Variants in VWA5B1 observed in about 807,000 individuals in gnomAD.
VWA5B1 encodes the protein von Willebrand factor A domain containing 5B1, also known as von Willebrand factor A domain-containing protein 5B1.
Under a neutral mutation model 118.2 loss-of-function variants are expected in VWA5B1, and 115 were observed. The ratio of observed to expected loss-of-function variants is 0.97; its 90% CI spans 0.84 to 1.14. VWA5B1 has a LOEUF of 1.14. Ranked by LOEUF, VWA5B1 falls within the 50% of genes most tolerant of loss-of-function variation. The probability of loss-of-function intolerance (pLI) is 0.00; values close to 1 mark genes in which losing one functional copy is unlikely to be tolerated. For missense variants in VWA5B1, 1,596 were observed against 1,603.8 expected, an observed-to-expected ratio of 1.00 and a Z score of 0.08; for synonymous variants, 682 against 658.4, an observed-to-expected ratio of 1.04 and a Z score of -0.55.
chr1:20,298,735 G>A (rs570775202), intron 1 of VWA5B1, among the ~76,000 whole-genome samples: 3 of 152,178 alleles, frequency 2.0e-5, no homozygotes, highest in African/African-American at 4.8e-5. Flanking sequence ...AGCTCCTGAT[G>A]CCCAGGCTGG....
chr1:20,322,383 G>T (rs565032022), intron 7 of VWA5B1, among the ~76,000 whole-genome samples: 1 of 152,252 alleles, frequency 6.6e-6, no homozygotes, highest in African/African-American at 2.4e-5. Context: ...TGAGAACAAA[G>T]GAAATGAGAT....
At chr1:20,333,507 T>A (rs2089630581) in intron 12 of VWA5B1, among the ~76,000 whole-genome samples, 1 of 152,176 alleles carries the variant, frequency 6.6e-6, no homozygotes. Flanking sequence ...AGCCCTAGCT[T>A]CCACCCAGGT....
rs545885348 is a variant in VWA5B1 at position 20,342,564 on chromosome 1, C to G, written c.2266C>G (p.Pro756Ala). Residue 756 changes from proline to alanine, a missense_variant, in exon 15 of 22, where the codon CCT becomes GCT. Coordinates refer to ENST00000289815, the MANE Select transcript of VWA5B1 (RefSeq NM_001039500.3). Reference protein sequence around the residue: ...PWGQETQAWSPVRERTSDSRS... With the variant: ...PWGQETQAWSAVRERTSDSRS... ...GGGCCAGGAGACCCAGGCCTGGAGC[C>G]CTGTGAGAGAGCGGACTTCTGACAG... 2 of 1,526,688 alleles carry G rather than the reference C, an allele frequency of 1.3e-6. No individual in the cohort carries two copies. Among genetic ancestry groups the G allele is most frequent in the African/African-American group, 1.4e-5 (1 of 71,802 alleles). 94.6% of individuals were successfully genotyped at this position (1,526,688 alleles called of 1,614,324 possible).
Position 20,342,567 on chromosome 1 carries a change from G to A in VWA5B1, c.2269G>A (p.Val757Met), listed in dbSNP as rs768831796. The change falls in exon 15 of 22, where the codon GTG (valine) becomes ATG (methionine). Residue 757 changes from valine to methionine, a missense_variant. Coordinates refer to ENST00000289815, the MANE Select transcript of VWA5B1 (RefSeq NM_001039500.3). ...WGQETQAWSP[V>M]RERTSDSRSP... is the part of the protein sequence containing the mutation. The stretch of plus-strand genomic sequence containing the variant: ...CCAGGAGACCCAGGCCTGGAGCCCT[G>A]TGAGAGAGCGGACTTCTGACAGCCG... 6.6e-7 allele frequency: 1 copy of A among 1,523,770 alleles called. No homozygotes were observed. Among genetic ancestry groups the A allele is most frequent in the South Asian group, 1.3e-5 (1 of 79,896 alleles). 94.4% of individuals were successfully genotyped at this position (1,523,770 alleles called of 1,614,324 possible).
chr1:20,337,616 T>A, intron 13 of VWA5B1, 30 bp from the exon 14 acceptor site: 1 of 1,533,186 alleles, frequency 6.5e-7, no homozygotes, highest in Middle Eastern at 1.7e-4. Context: ...TGTCCCACTC[T>A]GATGGTTCCC....
At chr1:20,342,045 C>CTTT (rs573196595) in intron 14 of VWA5B1, among the ~76,000 whole-genome samples, 134 of 150,946 alleles carry the variant, frequency 8.9e-4, no homozygotes, top group African/African-American at 3.1e-3. Flanking sequence ...TGAGAAAGAC[C>CTTT]TTTTAAGTAT....
chr1:20,313,043 C>T (rs1337845891), intron 3 of VWA5B1, 55 bp downstream of exon 3: 2 of 1,533,230 alleles, frequency 1.3e-6, no homozygotes. Flanking sequence ...CCAGAGGCTG[C>T]CTGGGCTGGA....
intron 14 of VWA5B1, 124 bp downstream of exon 14, chr1:20,337,960 T>G (rs752224959): frequency 8.0e-7 from 1 of 1,251,978 alleles, no homozygotes; most frequent in Non-Finnish European, 1.1e-6. Context: ...AGTCACTCCC[T>G]CTTTCCTTCC....
rs1487256343 is a variant in VWA5B1, at chr1:20,314,515, T to C, written c.486T>C (p.Leu162=). The C allele has an allele frequency of 1.3e-6, 2 of 1,551,604 alleles. No individual in the cohort carries two copies. Among genetic ancestry groups the C allele is most frequent in the Non-Finnish European group, 1.7e-6 (2 of 1,147,006 alleles). The change falls in exon 4 of 22, where the codon CTT becomes CTC. Residue 162 remains leucine (L), a synonymous_variant. Transcript: ENST00000289815. ...TGCCCAGCGGGGCTGTGAGGGTCCT[T>C]CTGCCTGCTGTCTGTGCCCCAACCG... ...PTLPSGAVRV[L]LPAVCAPTVP...
At chr1:20,344,378 A>T (rs988192281) in intron 16 of VWA5B1, among the ~76,000 whole-genome samples, 1 of 152,124 alleles carries the variant, frequency 6.6e-6, no homozygotes, top group African/African-American at 2.4e-5. Flanking sequence ...TTTACTGTGG[A>T]TCTGCTGGGG....
intron 1 of VWA5B1, among the ~76,000 whole-genome samples, chr1:20,304,001 G>T (rs2088572716): frequency 2.0e-5 from 3 of 152,222 alleles, no homozygotes; most frequent in South Asian, 4.1e-4. Flanking sequence ...TGGAAATTGG[G>T]AGTAGATGTA....
intron 14 of VWA5B1, chr1:20,339,282 C>T (rs111996042): frequency 1.3e-5 from 2 of 152,214 alleles, no homozygotes; most frequent in Non-Finnish European, 2.9e-5. Context: ...TGGCTCATGC[C>T]TGTAATCTCA....
At chr1:20,338,272 T>C (rs2089779420) in intron 14 of VWA5B1, 1 of 352,748 alleles carries the variant, frequency 2.8e-6, no homozygotes, top group Non-Finnish European at 5.6e-6. Flanking sequence ...AAGCCTTTTA[T>C]TCCCCCTCAT....
intron 21 of VWA5B1, 80 bp from the exon 22 acceptor site, chr1:20,353,677 T>A: frequency 7.0e-7 from 1 of 1,424,966 alleles, no homozygotes; most frequent in Non-Finnish European, 9.2e-7. Context: ...GTGGGCAACA[T>A]GGATCCAGAC....
chr1:20,353,385 G>C (rs1336355046), intron 21 of VWA5B1, among the ~76,000 whole-genome samples: 1 of 152,128 alleles, frequency 6.6e-6, no homozygotes, highest in African/African-American at 2.4e-5. Flanking sequence ...GAGGAAGCAC[G>C]TGATGGATTG....
chr1:20,296,792 G>A (rs925598617), intron 1 of VWA5B1, among the ~76,000 whole-genome samples: 6 of 152,120 alleles, frequency 3.9e-5, no homozygotes, highest in African/African-American at 1.2e-4. Context: ...CCTATGACAC[G>A]TTGGTCCCTG....
intron 5 of VWA5B1, 95 bp from the exon 6 acceptor site, chr1:20,318,495 C>T (rs1004781260): frequency 1.3e-6 from 2 of 1,522,050 alleles, no homozygotes; most frequent in African/African-American, 1.4e-5. Flanking sequence ...TGGCATGTCA[C>T]TCATCTCTGG....
chr1:20,328,573 G>A (rs901866469), intron 9 of VWA5B1, among the ~76,000 whole-genome samples: 1 of 152,114 alleles, frequency 6.6e-6, no homozygotes. Flanking sequence ...GGAAGGACAA[G>A]CAAATGGGAC....
Position 20,305,229 on chromosome 1 carries a change from A to C in VWA5B1, c.-26-5347A>C, listed in dbSNP as rs542880851. 2.6e-5 allele frequency among the ~76,000 whole-genome samples: 4 copies of C among 152,294 alleles called. No homozygotes were observed. In the South Asian group the frequency reaches 8.3e-4, roughly 32 times the overall value. ...TAGGAATGAGCGAGTGGTCTTGAAG[A>C]TGGACCCATCACAGATGGTATGTGA... On this transcript the variant is annotated intron_variant, in intron 1 of 21. Coordinates refer to ENST00000289815, the MANE Select transcript of VWA5B1 (RefSeq NM_001039500.3).
Sources: allele counts gnomAD v4.1 joint callset (sites outside exome capture counted in the v4.1 genomes callset), GRCh38; gene constraint gnomAD v4.1.1; transcripts MANE v1.5; gene names NCBI Gene and HGNC (gene_info 2026-07-23, HGNC 2026-07-21).